Variants in MYO9A observed in about 807,000 individuals in gnomAD.
The protein encoded by MYO9A is unconventional myosin-IXa.
In MYO9A, 103 loss-of-function variants were observed where a neutral mutation model predicts 293.3. The ratio of observed to expected loss-of-function variants is 0.35; its 90% CI spans 0.30 to 0.41. MYO9A has a LOEUF of 0.41. MYO9A is among the 10% of genes least tolerant of loss of function. The pLI, the probability that MYO9A is intolerant of heterozygous loss-of-function variation, is 1.00. For missense variants in MYO9A, 2,685 were observed against 3,033.0 expected (o/e 0.89, Z 2.69); for synonymous variants, 1,001 against 1,035.7 (o/e 0.97, Z 0.64).
chr15:72,049,808 C>A (rs964343681), intron 1 of MYO9A, among the ~76,000 whole-genome samples: 16 of 152,184 alleles, frequency 1.1e-4, no homozygotes, highest in African/African-American at 3.9e-4. Flanking sequence ...CCAAAACCAT[C>A]CCCTACTACC....
chr15:72,052,340 T>G (rs1374189361), intron 1 of MYO9A, among the ~76,000 whole-genome samples: 2 of 152,196 alleles, frequency 1.3e-5, no homozygotes, highest in Non-Finnish European at 1.5e-5. Flanking sequence ...AGCTACCCAC[T>G]GCGAGTCTCC....
chr15:71,847,549 C>A, intron 39 of MYO9A: 1 of 405,456 alleles, frequency 2.5e-6, no homozygotes, highest in African/African-American at 2.0e-5. Context: ...AAGGTTTAAT[C>A]TTGCAATGGA....
chr15:72,038,038 C>G (rs552175102), intron 2 of MYO9A, among the ~76,000 whole-genome samples: 1 of 152,080 alleles, frequency 6.6e-6, no homozygotes, highest in African/African-American at 2.4e-5. Flanking sequence ...TCTCAGCCTT[C>G]CAACAGTAGC....
In MYO9A at chr15:71,824,593, T is replaced by C. The variant is rs1054035889; in HGVS notation, c.*1987A>G. ...CCAGCAATCCCACTCTAACACACCA[T>C]GCTGAGGGGTTTTCCTCTATCCTCT... On this transcript the variant is annotated 3_prime_UTR_variant, in exon 42 of 42. Transcript: ENST00000356056. The C allele has an allele frequency of 1.3e-5, 2 of 152,230 alleles. No homozygotes were observed. The highest frequency in any genetic ancestry group is 2.9e-5 in the Non-Finnish European group (2 of 68,040). The allele number at this position is 152,230 out of a possible 1,614,324, so 9.4% of individuals were successfully genotyped here. A position where few individuals can be genotyped will look rare whatever the true frequency, so the allele number is the denominator to read the frequency against.
chr15:72,110,399 G>A (rs1382867116), intron 1 of MYO9A, among the ~76,000 whole-genome samples: 4 of 131,004 alleles, frequency 3.1e-5, no homozygotes, highest in Non-Finnish European at 4.6e-5. Context: ...TTGCACCACT[G>A]CACTCCAGCC....
chr15:71,830,485 T>C lies in MYO9A; in HGVS notation c.6838-174A>G, dbSNP rs150970260. 1.2e-3 allele frequency among the ~76,000 whole-genome samples: 190 copies of C among 152,306 alleles called. No homozygotes were observed. In the Middle Eastern group the frequency reaches 0.017, roughly 14 times the overall value. On this transcript the variant is annotated intron_variant, in intron 39 of 41. Transcript: ENST00000356056. Reference sequence around the variant, plus strand: ...GACATATTCATACAACACATTTAAGTTAAAATATTTCTTGCAGGAGTACTG... The same window carrying C: ...GACATATTCATACAACACATTTAAGCTAAAATATTTCTTGCAGGAGTACTG...
At chr15:72,066,971 A>G (rs1360780772) in intron 1 of MYO9A, among the ~76,000 whole-genome samples, 1 of 150,900 alleles carries the variant, frequency 6.6e-6, no homozygotes, top group Non-Finnish European at 1.5e-5. Context: ...TTAAACTGGT[A>G]TTCCATATAA....
chr15:72,117,981 A>G lies in MYO9A; in HGVS notation c.-373T>C, dbSNP rs1348404628. The G allele has an allele frequency of 1.5e-4, 61 of 400,062 alleles. No homozygotes were observed. The highest frequency in any genetic ancestry group is 4.8e-5 in the Non-Finnish European group (11 of 227,542). The allele number at this position is 400,062 out of a possible 1,614,324, so 24.8% of individuals were successfully genotyped here. ...GCCAGCGGCCGCCTCTGCCGGTGCA[A>G]CTACTGCCTCCGCCGCCGCCTCTCG... is the stretch of plus-strand genomic sequence containing the variant. On this transcript the variant is annotated 5_prime_UTR_variant, in exon 1 of 42. Transcript: ENST00000356056.
intron 19 of MYO9A, among the ~76,000 whole-genome samples, chr15:71,913,745 T>TAGGATC (rs1405710411): frequency 6.6e-6 from 1 of 152,218 alleles, no homozygotes; most frequent in African/African-American, 2.4e-5. Context: ...TTAAGTTACT[T>TAGGATC]AGGATCAGTC....
chr15:71,918,583 T>C (rs1032301045), intron 18 of MYO9A, among the ~76,000 whole-genome samples: 17 of 152,218 alleles, frequency 1.1e-4, no homozygotes, highest in African/African-American at 4.1e-4. Context: ...TTGGCACTTT[T>C]GAATTATCAC....
intron 15 of MYO9A, among the ~76,000 whole-genome samples, chr15:71,939,655 A>G (rs907468409): frequency 6.6e-6 from 1 of 152,256 alleles, no homozygotes; most frequent in African/African-American, 2.4e-5. Flanking sequence ...TTAATGTTAT[A>G]AATACGATGA....
In MYO9A at chr15:71,827,897, G is replaced by T; in HGVS notation, c.7170C>A (p.Ile2390=). Residue 2390 remains isoleucine (I), a synonymous_variant, in exon 41 of 42, where the codon ATC becomes ATA. Transcript: ENST00000356056. Reference sequence around the variant, plus strand: ...ATGTTCACTTACCTGATTTCTCAGAGATAGCATATTCAGACTCCATATTCA... The same window carrying T: ...ATGTTCACTTACCTGATTTCTCAGATATAGCATATTCAGACTCCATATTCA... ...ENLNMESEYA[I]SEKSERSLAL... 1 of 1,613,206 alleles carries T rather than the reference G, an allele frequency of 6.2e-7. No individual in the cohort carries two copies. The highest frequency in any genetic ancestry group is 8.5e-7 in the Non-Finnish European group (1 of 1,179,602).
rs767988464 is a variant in MYO9A at position 71,851,218 on chromosome 15, CTA to C, written c.6581+33_6581+34del. 7 of 1,459,082 alleles carry C rather than the reference CTA, an allele frequency of 4.8e-6. No homozygotes were observed. The Admixed American group carries it at 5.3e-5, about 11-fold the overall frequency. The allele number at this position is 1,459,082 out of a possible 1,614,324, so 90.4% of individuals were successfully genotyped here. On this transcript the variant is annotated intron_variant, in intron 37 of 41. Coordinates refer to ENST00000356056, the MANE Select transcript of MYO9A (RefSeq NM_006901.4). ...TCTATTTAAAATAATCCAAGAGAAA[CTA>C]TTAAAAATCGTTCCCTTGCTTCTTA...
At chr15:71,828,337 C>G (rs1010938225) in intron 40 of MYO9A, among the ~76,000 whole-genome samples, 6 of 152,182 alleles carry the variant, frequency 3.9e-5, no homozygotes, top group African/African-American at 1.4e-4. Flanking sequence ...GATCAGGGCT[C>G]TAACCTTGTT....
rs1167613386 is a variant in MYO9A, at chr15:71,934,786, C to CTT, written c.2522+553_2522+554dup. On this transcript the variant is annotated intron_variant, in intron 17 of 41. Coordinates refer to ENST00000356056, the MANE Select transcript of MYO9A (RefSeq NM_006901.4). ...TGGCTAATTTTTTTTCTTTTCTTTT[C>CTT]TTTTTTTTTTTTTTTTTTTTTTTTT... Among the ~76,000 whole-genome samples the CTT allele has an allele frequency of 9.1e-3, 563 of 61,772 alleles. 9 individuals carry two copies. Among genetic ancestry groups the CTT allele is most frequent in the Middle Eastern group, 0.038 (2 of 52 alleles). 40.5% of individuals were successfully genotyped at this position (61,772 alleles called of 152,430 possible).
chr15:72,029,445 A>G (rs2077792593), intron 3 of MYO9A, among the ~76,000 whole-genome samples: 1 of 152,192 alleles, frequency 6.6e-6, no homozygotes, highest in South Asian at 2.1e-4. Flanking sequence ...TGCACTGAAT[A>G]CTATAGGCAA....
chr15:71,956,945 G>A (rs1280327648), intron 14 of MYO9A, among the ~76,000 whole-genome samples: 1 of 149,296 alleles, frequency 6.7e-6, no homozygotes, highest in East Asian at 2.0e-4. Context: ...TTCTTTTATG[G>A]CCAAATAACA....
At chr15:71,847,416 G>T in intron 39 of MYO9A, 1 of 454,630 alleles carries the variant, frequency 2.2e-6, no homozygotes, top group Non-Finnish European at 4.4e-6. Context: ...AATACATACC[G>T]AGACTGAATT....
At position 71,826,629 on chromosome 15, in the gene MYO9A, G is replaced by A; in HGVS notation, c.7598C>T (p.Thr2533Ile). 1 of 1,611,104 alleles carries A rather than the reference G, an allele frequency of 6.2e-7. No individual in the cohort carries two copies. The highest frequency in any genetic ancestry group is 8.5e-7 in the Non-Finnish European group (1 of 1,179,322). ...AAAGAGTGCTAGCTGTTGGTTGGAG[G>A]TGCAGTCTGGGTCCACAGTTTTTCT... ...GRRKTVDPDC[T>I]SNQQLALFGN... The change falls in exon 42 of 42, where the codon ACC (threonine) becomes ATC (isoleucine). Residue 2533 changes from threonine to isoleucine, a missense_variant. Physicochemically the swap from Thr to Ile is moderately conservative, Grantham distance 89. This residue lies in a region of MYO9A where 350 missense variants were observed against 328.9 expected (regional missense o/e 1.06). Transcript: ENST00000356056.
Sources: gnomAD v4.1 joint callset for allele counts (sites outside exome capture counted in the v4.1 genomes callset) on GRCh38, gnomAD v4.1.1 for gene constraint, gnomAD v4.1.1 regional missense constraint, MANE v1.5 for transcripts, NCBI Gene and HGNC (gene_info 2026-07-23, HGNC 2026-07-21) for gene names.